TPM4: variants seen among roughly 807,000 people sequenced by gnomAD.
The protein encoded by TPM4 is tropomyosin 4, also known as tropomyosin alpha-4 chain.
A neutral mutation model predicts 35.8 loss-of-function variants in TPM4; 17 were observed. The ratio of observed to expected loss-of-function variants is 0.47; its 90% CI spans 0.32 to 0.71. TPM4 has a LOEUF of 0.71. Among genes scored for constraint, TPM4 ranks in the 30% least tolerant of loss-of-function variants. The pLI, the probability that TPM4 is intolerant of heterozygous loss-of-function variation, is 0.03. For synonymous variants in TPM4, 120 were observed against 122.9 expected, an observed-to-expected ratio of 0.98 and a Z score of 0.15; for missense variants, 240 against 320.9, an observed-to-expected ratio of 0.75 and a Z score of 1.93.
chr19:16,069,200 TG>T (rs2090327188), intron 2 of TPM4, among the ~76,000 whole-genome samples: 2 of 152,258 alleles, frequency 1.3e-5, no homozygotes, highest in Admixed American at 1.3e-4. Flanking sequence ...TATTGGTGAC[TG>T]TGCTTCTGTT....
chr19:16,085,475 A>T (rs890059183), intron 2 of TPM4, among the ~76,000 whole-genome samples: 1 of 152,000 alleles, frequency 6.6e-6, no homozygotes, highest in Non-Finnish European at 1.5e-5. Flanking sequence ...CCGAGGCAAC[A>T]GGATTGCTTG....
chr19:16,069,454 T>C (rs903922582), intron 2 of TPM4, among the ~76,000 whole-genome samples: 2 of 13,004 alleles, frequency 1.5e-4, no homozygotes, highest in African/African-American at 3.1e-4. Context: ...TGTGTTTCTA[T>C]TGGTGTGTGA....
At chr19:16,077,961 G>C (rs1156913281) in intron 1 of TPM4, 1 of 377,616 alleles carries the variant, frequency 2.6e-6, no homozygotes, top group East Asian at 3.8e-5. Flanking sequence ...TTTTAGTAGA[G>C]ACAGTGTCTC....
upstream of TPM4, among the ~76,000 whole-genome samples, chr19:16,073,982 A>G (rs1208949846): frequency 4.3e-5 from 6 of 139,276 alleles, no homozygotes; most frequent in Non-Finnish European, 9.3e-5. Context: ...AAAATAATGC[A>G]CACACACACA....
chr19:16,080,808 CAAAA>C, intron 1 of TPM4: 2 of 343,054 alleles, frequency 5.8e-6, no homozygotes, highest in Non-Finnish European at 1.0e-5. Flanking sequence ...GACTCCATCT[CAAAA>C]AAAAAATTAA....
In TPM4 at chr19:16,089,040, T is replaced by C; in HGVS notation, c.456-5T>C. On this transcript the variant is annotated splice_region_variant and splice_polypyrimidine_tract_variant and intron_variant, in intron 4 of 7. Coordinates refer to ENST00000643579, the MANE Select transcript of TPM4 (RefSeq NM_003290.3). ...AAGACACAAAAATCCTTTGTCTTTG[T>C]GCAGAAAATGTGGTGACCTGGAAGA... The C allele has an allele frequency of 6.2e-7, 1 of 1,614,094 alleles. No individual in the cohort carries two copies. Among genetic ancestry groups the C allele is most frequent in the Non-Finnish European group, 8.5e-7 (1 of 1,179,984 alleles).
In TPM4 at chr19:16,089,036, T is replaced by G. The variant is rs757525517; in HGVS notation, c.456-9T>G. 2.4e-5 allele frequency: 38 copies of G among 1,613,974 alleles called. No homozygotes were observed. The highest frequency in any genetic ancestry group is 3.2e-5 in the Non-Finnish European group (38 of 1,179,990). On this transcript the variant is annotated splice_polypyrimidine_tract_variant and intron_variant, in intron 4 of 7. Coordinates refer to ENST00000643579, the MANE Select transcript of TPM4 (RefSeq NM_003290.3). The stretch of plus-strand genomic sequence containing the variant: ...AGATAAGACACAAAAATCCTTTGTC[T>G]TTGTGCAGAAAATGTGGTGACCTGG...
At chr19:16,086,065 T>C (rs1192722382) in intron 2 of TPM4, among the ~76,000 whole-genome samples, 1 of 103,568 alleles carries the variant, frequency 9.7e-6, no homozygotes, top group African/African-American at 3.9e-5. Flanking sequence ...CGAGACTCCA[T>C]CTCAAAAAAA....
chr19:16,072,766 G>A (rs548696948), upstream of TPM4, among the ~76,000 whole-genome samples: 2 of 151,816 alleles, frequency 1.3e-5, no homozygotes, highest in South Asian at 2.1e-4. Context: ...AATTAACTGG[G>A]CTTGGTGGCA....
chr19:16,080,946 T>C (rs2090475073), intron 1 of TPM4: 2 of 398,384 alleles, frequency 5.0e-6, no homozygotes, highest in Non-Finnish European at 8.9e-6. Flanking sequence ...AATAACACTA[T>C]TGGGGTATGT....
chr19:16,088,587 G>A, intron 4 of TPM4: 1 of 1,036,428 alleles, frequency 9.6e-7, no homozygotes. Context: ...CCCGGGTGAG[G>A]AATTCAGCCC....
chr19:16,076,177 G>A, upstream of TPM4: 1 of 1,555,716 alleles, frequency 6.4e-7, no homozygotes. Flanking sequence ...TCCGACGTAC[G>A]TGTGCAGGGA....
At chr19:16,080,889 T>C (rs2090474533) in intron 1 of TPM4, 1 of 396,286 alleles carries the variant, frequency 2.5e-6, no homozygotes, top group Non-Finnish European at 4.4e-6. Flanking sequence ...GGTTTAATGC[T>C]TCCCATTGTA....
chr19:16,092,177 G>C (rs764776887), intron 5 of TPM4, among the ~76,000 whole-genome samples: 2 of 138,646 alleles, frequency 1.4e-5, no homozygotes. Flanking sequence ...GATTCTGTCT[G>C]AAAAAAAAAA....
In TPM4 at chr19:16,101,366, T is replaced by C. The variant is rs2090761812; in HGVS notation, c.*20T>C. On this transcript the variant is annotated 3_prime_UTR_variant, in exon 8 of 8. Transcript: ENST00000643579. ...ATATAAGCAAAACAGAAGAGTCTTG[T>C]TCCAACAGAAACTCTGGAGCTCCGT... is the stretch of plus-strand genomic sequence containing the variant. 1.3e-6 allele frequency: 2 copies of C among 1,554,190 alleles called. No individual in the cohort carries two copies. Among genetic ancestry groups the C allele is most frequent in the Non-Finnish European group, 1.7e-6 (2 of 1,149,966 alleles).
At chr19:16,073,901 C>G (rs1026713460), upstream of TPM4, among the ~76,000 whole-genome samples, 1 of 135,358 alleles carries the variant, frequency 7.4e-6, no homozygotes, top group African/African-American at 2.8e-5. Context: ...ATGATCACAC[C>G]ACTGCACTCC....
rs2090313344 is a variant in TPM4, at chr19:16,067,849, G to A, written c.114+111G>A. The A allele has an allele frequency of 1.0e-6, 1 of 990,796 alleles. No individual in the cohort carries two copies. Among genetic ancestry groups the A allele is most frequent in the Non-Finnish European group, 1.5e-6 (1 of 683,882 alleles). The allele number at this position is 990,796 out of a possible 1,614,324, so 61.4% of individuals were successfully genotyped here. ...GCAGACACCTGCGGGAGGATAGGAGGCTGATGCTTTGGCGGAGGAAGAGCG... is the reference window on the plus strand; with the variant it reads ...GCAGACACCTGCGGGAGGATAGGAGACTGATGCTTTGGCGGAGGAAGAGCG... On this transcript the variant is annotated intron_variant, in intron 2 of 2. Coordinates refer to the TPM4 transcript ENST00000589897. The surrounding 1 kb of genome is among the most constrained non-coding windows in gnomAD (Gnocchi z 4.1).
upstream of TPM4, chr19:16,076,082 A>G (rs989940939): frequency 1.9e-6 from 3 of 1,607,444 alleles, no homozygotes; most frequent in Admixed American, 5.1e-5. Context: ...AGAAGAAACT[A>G]AAAGGGACAG....
In TPM4 at chr19:16,085,582, A is replaced by G. The variant is rs559337945; in HGVS notation, c.267-841A>G. On this transcript the variant is annotated intron_variant, in intron 2 of 7. Transcript: ENST00000643579. Reference sequence around the variant, plus strand: ...CACCATCTCTCAAAATAAAAGAAAAAGAAAGGGGGCACAGACTCTGGAGTC... The same window carrying G: ...CACCATCTCTCAAAATAAAAGAAAAGGAAAGGGGGCACAGACTCTGGAGTC... Among the ~76,000 whole-genome samples, 3 of 152,198 alleles carry G rather than the reference A, an allele frequency of 2.0e-5. No homozygotes were observed. In the South Asian group the frequency reaches 6.2e-4, roughly 32 times the overall value.
Sources: allele counts gnomAD v4.1 joint callset (sites outside exome capture counted in the v4.1 genomes callset), GRCh38; gene constraint gnomAD v4.1.1; non-coding constraint Gnocchi (gnomAD v3.1); transcripts MANE v1.5; gene names NCBI Gene and HGNC (gene_info 2026-07-23, HGNC 2026-07-21).